LSAMP: variants seen among roughly 807,000 people sequenced by gnomAD.
The protein encoded by LSAMP is limbic system associated membrane protein.
A neutral mutation model predicts 38.6 loss-of-function variants in LSAMP; 7 were observed. The ratio of observed to expected loss-of-function variants is 0.18; its 90% CI spans 0.10 to 0.34. The LOEUF (loss-of-function observed/expected upper bound fraction) is 0.34. Ranked by LOEUF, LSAMP falls within the 10% of genes least tolerant of loss-of-function variation. The pLI, the probability that LSAMP is intolerant of heterozygous loss-of-function variation, is 1.00. For missense variants in LSAMP, 313 were observed against 420.0 expected (o/e 0.75, Z 2.23); for synonymous variants, 154 against 166.8 (o/e 0.92, Z 0.59).
At chr3:115,816,651 A>T (rs1335585779) in intron 6 of LSAMP, 1 of 1,284,814 alleles carries the variant, frequency 7.8e-7, no homozygotes, top group Admixed American at 2.3e-5. Flanking sequence ...CAATTTCTAA[A>T]ATAAGAAACA....
intron 1 of LSAMP, among the ~76,000 whole-genome samples, chr3:116,442,779 T>G (rs1183331003): frequency 6.6e-6 from 1 of 152,202 alleles, no homozygotes; most frequent in Non-Finnish European, 1.5e-5. Context: ...TGTGTTTATT[T>G]TTTCTCTCAG....
At chr3:115,967,811 A>G (rs1373090500) in intron 3 of LSAMP, among the ~76,000 whole-genome samples, 1 of 152,088 alleles carries the variant, frequency 6.6e-6, no homozygotes, top group Non-Finnish European at 1.5e-5. Context: ...CGAGAACAGC[A>G]TGGGAAAGGC....
chr3:116,342,972 G>C (rs1195821300), intron 1 of LSAMP, among the ~76,000 whole-genome samples: 1 of 152,070 alleles, frequency 6.6e-6, no homozygotes, highest in African/African-American at 2.4e-5. Context: ...AAGTGAAAGA[G>C]AGATGAATAG....
Position 115,816,906 on chromosome 3 carries a change from C to T in LSAMP, c.920-6492G>A, listed in dbSNP as rs149528311. ...CAAATACCTGATGCTACATTGTATGCATGTAGACAAGTTCAAGAACTCTGA... is the reference window on the plus strand; with the variant it reads ...CAAATACCTGATGCTACATTGTATGTATGTAGACAAGTTCAAGAACTCTGA... On this transcript the variant is annotated intron_variant, in intron 6 of 6. Coordinates refer to ENST00000490035, the MANE Select transcript of LSAMP (RefSeq NM_002338.5). Among the ~76,000 whole-genome samples, 85 of 152,262 alleles carry T rather than the reference C, an allele frequency of 5.6e-4. 1 individual carries two copies. Among genetic ancestry groups the T allele is most frequent in the African/African-American group, 2.0e-3 (82 of 41,542 alleles).
chr3:116,088,365 G>T (rs78973520), intron 1 of LSAMP, among the ~76,000 whole-genome samples: 1 of 152,022 alleles, frequency 6.6e-6, no homozygotes, highest in Non-Finnish European at 1.5e-5. Flanking sequence ...TAATTTAGAG[G>T]CCTTTTATCA....
At chr3:116,204,347 A>G (rs1278526808) in intron 1 of LSAMP, among the ~76,000 whole-genome samples, 3 of 152,004 alleles carry the variant, frequency 2.0e-5, no homozygotes, top group Non-Finnish European at 2.9e-5. Context: ...CCCATTTTGT[A>G]GGTTGCCTGT....
intron 3 of LSAMP, among the ~76,000 whole-genome samples, chr3:115,854,816 T>C (rs1935455955): frequency 6.6e-6 from 1 of 152,180 alleles, no homozygotes; most frequent in African/African-American, 2.4e-5. Flanking sequence ...AATGGCAACT[T>C]TGACAATTAG....
intron 1 of LSAMP, among the ~76,000 whole-genome samples, chr3:116,339,022 A>C (rs1479621208): frequency 2.0e-5 from 3 of 152,048 alleles, no homozygotes; most frequent in African/African-American, 7.2e-5. Context: ...GAGATGAAGA[A>C]GGAAGCTCTC....
intron 1 of LSAMP, among the ~76,000 whole-genome samples, chr3:116,422,546 A>G (rs1203008892): frequency 6.6e-6 from 1 of 152,194 alleles, no homozygotes; most frequent in East Asian, 1.9e-4. Flanking sequence ...ACAACTGTAT[A>G]TAGAAACAGA....
At position 116,309,240 on chromosome 3, in the gene LSAMP, T is replaced by A. The variant is rs149756828; in HGVS notation, c.155+135637A>T. Among the ~76,000 whole-genome samples the A allele has an allele frequency of 5.9e-5, 9 of 152,252 alleles. No individual in the cohort carries two copies. In the East Asian group the frequency reaches 1.7e-3, roughly 29 times the overall value. On this transcript the variant is annotated intron_variant, in intron 1 of 6. Coordinates refer to ENST00000490035, the MANE Select transcript of LSAMP (RefSeq NM_002338.5). ...CCTTCTTCCCATTTCATAGACATGC[T>A]GAGGCACAGCTAGGTCTAAGTATAT...
At chr3:115,899,001 C>T (rs1007083203) in intron 3 of LSAMP, among the ~76,000 whole-genome samples, 1 of 152,094 alleles carries the variant, frequency 6.6e-6, no homozygotes, top group Non-Finnish European at 1.5e-5. Context: ...TCTCAGATGG[C>T]ACCACAGTAT....
At chr3:116,366,140 T>C (rs1041181314) in intron 1 of LSAMP, among the ~76,000 whole-genome samples, 1 of 146,824 alleles carries the variant, frequency 6.8e-6, no homozygotes, top group Admixed American at 6.8e-5. Flanking sequence ...AAGTCTAATA[T>C]CCAGAGTCTA....
chr3:116,081,362 G>A (rs1438355063), intron 2 of LSAMP, among the ~76,000 whole-genome samples: 1 of 151,956 alleles, frequency 6.6e-6, no homozygotes, highest in African/African-American at 2.4e-5. Flanking sequence ...GCTGAGGCAG[G>A]AGAATTGCTT....
intron 4 of LSAMP, among the ~76,000 whole-genome samples, chr3:115,845,280 C>T (rs537098381): frequency 3.7e-4 from 57 of 152,294 alleles, no homozygotes; most frequent in African/African-American, 1.3e-3. Context: ...TAATCTGTAG[C>T]ACATTGGCCC....
intron 1 of LSAMP, among the ~76,000 whole-genome samples, chr3:116,252,616 G>C (rs555786044): frequency 2.6e-5 from 4 of 152,018 alleles, no homozygotes; most frequent in African/African-American, 7.2e-5. Flanking sequence ...ATGAATTCTC[G>C]TGATTCTAAG....
At chr3:115,873,874 C>T (rs1936112605) in intron 3 of LSAMP, among the ~76,000 whole-genome samples, 1 of 152,076 alleles carries the variant, frequency 6.6e-6, no homozygotes, top group South Asian at 2.1e-4. Context: ...TAGCTTGCTT[C>T]CCATTTGTTC....
chr3:115,880,550 A>G (rs1026453857), intron 3 of LSAMP, among the ~76,000 whole-genome samples: 7 of 152,156 alleles, frequency 4.6e-5, no homozygotes, highest in African/African-American at 1.4e-4. Flanking sequence ...ATTTTAATAA[A>G]GGACTACGCT....
chr3:115,991,853 A>C (rs1003997100), intron 3 of LSAMP, among the ~76,000 whole-genome samples: 4 of 152,122 alleles, frequency 2.6e-5, no homozygotes, highest in African/African-American at 9.6e-5. Context: ...TGTGCCCAGC[A>C]ATAAATACTG....
At chr3:116,321,337 C>T (rs1378148432) in intron 1 of LSAMP, among the ~76,000 whole-genome samples, 3 of 152,066 alleles carry the variant, frequency 2.0e-5, no homozygotes, top group African/African-American at 7.2e-5. Flanking sequence ...CTTACCACTG[C>T]ACTCCAGCAT....
Sources: gnomAD v4.1 joint callset for allele counts (sites outside exome capture counted in the v4.1 genomes callset) on GRCh38, gnomAD v4.1.1 for gene constraint, MANE v1.5 for transcripts, NCBI Gene and HGNC (gene_info 2026-07-23, HGNC 2026-07-21) for gene names.